The following SNTG1 variants were observed in gnomAD, a reference collection of about 807,000 sequenced individuals.
The protein encoded by SNTG1 is syntrophin gamma 1.
Under a neutral mutation model 74.7 loss-of-function variants are expected in SNTG1, and 39 were observed. The observed-to-expected ratio is 0.52, with a 90% CI of 0.40 to 0.68. SNTG1 has a LOEUF of 0.68. SNTG1 is among the 30% of genes least tolerant of loss of function. SNTG1 has a pLI of 0.00. For synonymous variants in SNTG1, 254 were observed against 217.1 expected, an observed-to-expected ratio of 1.17 and a Z score of -1.49; for missense variants, 685 against 609.5, an observed-to-expected ratio of 1.12 and a Z score of -1.30.
At chr8:50,079,233 T>G (rs1822173984) in intron 1 of SNTG1, among the ~76,000 whole-genome samples, 1 of 152,232 alleles carries the variant, frequency 6.6e-6, no homozygotes, top group African/African-American at 2.4e-5. Context: ...GTTTCCAGAC[T>G]TTTTAACGAT....
chr8:50,576,676 T>C, intron 12 of SNTG1, among the ~76,000 whole-genome samples: 1 of 152,186 alleles, frequency 6.6e-6, no homozygotes, highest in South Asian at 2.1e-4. Context: ...GCGTTTCACC[T>C]CTTACTTAAT....
chr8:50,702,302 A>G (rs540828153), intron 15 of SNTG1, among the ~76,000 whole-genome samples: 34 of 152,296 alleles, frequency 2.2e-4, no homozygotes, highest in African/African-American at 5.3e-4. Flanking sequence ...ACTCTCAAAC[A>G]TATTATGTTT....
intron 1 of SNTG1, among the ~76,000 whole-genome samples, chr8:50,149,671 T>C (rs1305943095): frequency 6.6e-6 from 1 of 152,218 alleles, no homozygotes; most frequent in Admixed American, 6.5e-5. Flanking sequence ...TTTCTTGTTT[T>C]TGTCAGGGTT....
chr8:50,589,714 T>C (rs1350881580), intron 12 of SNTG1, among the ~76,000 whole-genome samples: 1 of 152,166 alleles, frequency 6.6e-6, no homozygotes, highest in East Asian at 1.9e-4. Flanking sequence ...TAGCAAAAAG[T>C]AGATTTCCAC....
intron 2 of SNTG1, among the ~76,000 whole-genome samples, chr8:50,231,538 A>C (rs533507978): frequency 3.8e-4 from 58 of 151,540 alleles, no homozygotes; most frequent in African/African-American, 1.3e-3. Flanking sequence ...GGAAAATGCA[A>C]CACTATTTAG....
chr8:49,932,726 T>G (rs1381449035), intron 1 of SNTG1, among the ~76,000 whole-genome samples: 1 of 152,132 alleles, frequency 6.6e-6, no homozygotes, highest in Non-Finnish European at 1.5e-5. Context: ...TTCAGAATGT[T>G]TCCATCATCT....
intron 2 of SNTG1, among the ~76,000 whole-genome samples, chr8:50,300,141 G>C (rs78286625): frequency 0.02 from 3,076 of 152,172 alleles, 108 homozygotes; most frequent in African/African-American, 0.068. Context: ...AGTTTGCTCA[G>C]TTAGTAGCTA....
intron 2 of SNTG1, among the ~76,000 whole-genome samples, chr8:50,307,368 CATT>C (rs1052078950): frequency 2.0e-5 from 3 of 151,720 alleles, no homozygotes; most frequent in East Asian, 1.9e-4. Context: ...GTATATATTT[CATT>C]ATTATTATTA....
intron 1 of SNTG1, among the ~76,000 whole-genome samples, chr8:50,060,969 G>T (rs1820421884): frequency 6.6e-6 from 1 of 152,044 alleles, no homozygotes; most frequent in East Asian, 1.9e-4. Flanking sequence ...ATTTTGTTGA[G>T]ACTTTTAATG....
chr8:50,367,809 T>C (rs2131123179), intron 2 of SNTG1, among the ~76,000 whole-genome samples: 1 of 152,208 alleles, frequency 6.6e-6, no homozygotes. Context: ...ACATGCACCC[T>C]ACTGGTTTTG....
chr8:49,936,107 T>C (rs942092902), intron 1 of SNTG1, among the ~76,000 whole-genome samples: 1 of 152,152 alleles, frequency 6.6e-6, no homozygotes, highest in African/African-American at 2.4e-5. Flanking sequence ...TATTCAGCAA[T>C]TGTTGAGTTT....
intron 1 of SNTG1, among the ~76,000 whole-genome samples, chr8:50,152,870 C>A (rs1030395241): frequency 2.0e-5 from 3 of 152,050 alleles, no homozygotes; most frequent in Non-Finnish European, 4.4e-5. Flanking sequence ...GGTGAATCTG[C>A]CAATTATGTG....
intron 8 of SNTG1, chr8:50,490,751 C>G (rs2131878808): frequency 6.6e-6 from 1 of 152,406 alleles, no homozygotes; most frequent in Admixed American, 6.5e-5. Flanking sequence ...TGCAGCGGGA[C>G]TTCCTCAGCC....
intron 2 of SNTG1, among the ~76,000 whole-genome samples, chr8:50,174,017 G>A (rs1226521774): frequency 6.6e-6 from 1 of 152,090 alleles, no homozygotes; most frequent in Non-Finnish European, 1.5e-5. Context: ...GCCCTGGTGT[G>A]TGATGTTCCC....
chr8:50,593,946 G>T (rs1300777766), intron 13 of SNTG1, among the ~76,000 whole-genome samples: 2 of 151,964 alleles, frequency 1.3e-5, no homozygotes, highest in Non-Finnish European at 2.9e-5. Flanking sequence ...TCAAACTCCC[G>T]ACCTTAAGTG....
At chr8:50,148,076 T>C (rs2081933521) in intron 1 of SNTG1, among the ~76,000 whole-genome samples, 1 of 152,088 alleles carries the variant, frequency 6.6e-6, no homozygotes, top group Admixed American at 6.6e-5. Context: ...TTTGTACAAT[T>C]TGAGCAAAAA....
intron 1 of SNTG1, among the ~76,000 whole-genome samples, chr8:49,956,469 C>T (rs867926951): frequency 6.6e-6 from 1 of 152,154 alleles, no homozygotes; most frequent in African/African-American, 2.4e-5. Flanking sequence ...AAGTTTGGTT[C>T]AGCTGTGAAA....
intron 2 of SNTG1, among the ~76,000 whole-genome samples, chr8:50,311,000 A>G (rs2130749687): frequency 6.6e-6 from 1 of 152,336 alleles, no homozygotes; most frequent in East Asian, 1.9e-4. Context: ...TCAAGATCAC[A>G]CAGCTACTTA....
At chr8:50,234,680 C>T (rs1053422739) in intron 2 of SNTG1, among the ~76,000 whole-genome samples, 1 of 152,118 alleles carries the variant, frequency 6.6e-6, no homozygotes. Flanking sequence ...AAATGTGTTA[C>T]ATCTATAAAA....
Sources: gnomAD v4.1 joint callset for allele counts (sites outside exome capture counted in the v4.1 genomes callset) on GRCh38, gnomAD v4.1.1 for gene constraint, MANE v1.5 for transcripts, NCBI Gene and HGNC (gene_info 2026-07-23, HGNC 2026-07-21) for gene names.